EDIL3: variants seen among roughly 807,000 people sequenced by gnomAD.
EDIL3 encodes the protein EGF-like repeat and discoidin I-like domain-containing protein 3.
A neutral mutation model predicts 67.4 loss-of-function variants in EDIL3; 37 were observed. That is an observed-to-expected ratio of 0.55 (90% confidence interval 0.42 to 0.72). The LOEUF is 0.72. Ranked by LOEUF, EDIL3 falls within the 30% of genes least tolerant of loss-of-function variation. The pLI is 0.00. For synonymous variants in EDIL3, 195 were observed against 196.3 expected, an observed-to-expected ratio of 0.99 and a Z score of 0.05; for missense variants, 527 against 586.3, an observed-to-expected ratio of 0.90 and a Z score of 1.04.
At chr5:84,188,544 T>C (rs1743514798) in intron 3 of EDIL3, among the ~76,000 whole-genome samples, 2 of 152,046 alleles carry the variant, frequency 1.3e-5, no homozygotes, top group Admixed American at 1.3e-4. Flanking sequence ...AAAGGCCCTA[T>C]GATGGGCTAA....
intron 1 of EDIL3, among the ~76,000 whole-genome samples, chr5:84,377,687 T>C (rs991932474): frequency 6.6e-6 from 1 of 152,210 alleles, no homozygotes; most frequent in African/African-American, 2.4e-5. Flanking sequence ...ATCAAGCATA[T>C]ATCATCTAAC....
intron 10 of EDIL3, among the ~76,000 whole-genome samples, chr5:83,946,122 G>A (rs1227086472): frequency 6.6e-6 from 1 of 151,954 alleles, no homozygotes; most frequent in Non-Finnish European, 1.5e-5. Flanking sequence ...TCTAGAAAGT[G>A]CTTTCACAGG....
At chr5:84,197,657 C>CA (rs748976010) in intron 3 of EDIL3, among the ~76,000 whole-genome samples, 1,890 of 121,622 alleles carry the variant, frequency 0.016, 32 homozygotes, top group East Asian at 0.046. Context: ...AACTACATCT[C>CA]AAAAAAAAAA....
intron 4 of EDIL3, among the ~76,000 whole-genome samples, chr5:84,167,961 A>C (rs1265812552): frequency 2.0e-5 from 3 of 152,158 alleles, no homozygotes; most frequent in African/African-American, 7.2e-5. Context: ...GGAGAGAATA[A>C]TTCTCATTTG....
At chr5:84,345,351 C>T (rs1747216319) in intron 1 of EDIL3, among the ~76,000 whole-genome samples, 1 of 152,114 alleles carries the variant, frequency 6.6e-6, no homozygotes, top group Non-Finnish European at 1.5e-5. Flanking sequence ...TTTCAAACTA[C>T]TCATTACCCT....
At chr5:84,322,012 T>C (rs139732639) in intron 1 of EDIL3, among the ~76,000 whole-genome samples, 19 of 151,980 alleles carry the variant, frequency 1.3e-4, no homozygotes, top group African/African-American at 4.6e-4. Flanking sequence ...AGTTTACACT[T>C]TGAAGTAATT....
intron 1 of EDIL3, among the ~76,000 whole-genome samples, chr5:84,311,191 C>T (rs1746379623): frequency 6.6e-6 from 1 of 151,628 alleles, no homozygotes. Context: ...TTTTTAATTG[C>T]TTAGTTTTAG....
intron 9 of EDIL3, among the ~76,000 whole-genome samples, chr5:84,027,968 A>T (rs1745846301): frequency 6.6e-6 from 1 of 152,142 alleles, no homozygotes; most frequent in Non-Finnish European, 1.5e-5. Flanking sequence ...TGTGGACAAC[A>T]CTGAATTCAC....
intron 5 of EDIL3, among the ~76,000 whole-genome samples, chr5:84,118,018 T>G (rs1747702549): frequency 6.6e-6 from 1 of 152,270 alleles, no homozygotes; most frequent in East Asian, 1.9e-4. Context: ...ATTTTTTAAC[T>G]TAATAGTCTT....
intron 1 of EDIL3, among the ~76,000 whole-genome samples, chr5:84,284,339 G>A (rs769385574): frequency 6.6e-6 from 1 of 152,174 alleles, no homozygotes; most frequent in South Asian, 2.1e-4. Flanking sequence ...GCACTCATGA[G>A]TGGTGCAGCA....
chr5:84,349,056 C>T (rs1747299222), intron 1 of EDIL3, among the ~76,000 whole-genome samples: 1 of 152,022 alleles, frequency 6.6e-6, no homozygotes, highest in Non-Finnish European at 1.5e-5. Flanking sequence ...TATTATAGCC[C>T]CCTTTTCTCT....
intron 5 of EDIL3, among the ~76,000 whole-genome samples, chr5:84,125,861 GGT>G (rs1747861273): frequency 6.6e-6 from 1 of 151,630 alleles, no homozygotes; most frequent in South Asian, 2.1e-4. Context: ...AGACTGAAAA[GGT>G]TCGGTTGAAT....
chr5:84,226,925 G>GA (rs1215651989), intron 3 of EDIL3, among the ~76,000 whole-genome samples: 5 of 151,942 alleles, frequency 3.3e-5, no homozygotes, highest in Non-Finnish European at 7.4e-5. Context: ...GAGAAGTTAT[G>GA]AAAATAGATT....
intron 6 of EDIL3, among the ~76,000 whole-genome samples, chr5:84,102,605 TAAAACAAAAC>T (rs960119436): frequency 1.4e-5 from 2 of 146,934 alleles, no homozygotes; most frequent in African/African-American, 5.0e-5. Context: ...CTACAATTGC[TAAAACAAAAC>T]AAAACAAAAC....
chr5:84,060,800 A>G (rs1245121036), intron 8 of EDIL3, among the ~76,000 whole-genome samples: 1 of 152,174 alleles, frequency 6.6e-6, no homozygotes, highest in Admixed American at 6.6e-5. Flanking sequence ...CTCCTGTCTC[A>G]TTACTGGAGG....
chr5:84,276,644 C>T (rs1428344074), intron 1 of EDIL3, among the ~76,000 whole-genome samples: 1 of 152,086 alleles, frequency 6.6e-6, no homozygotes, highest in East Asian at 1.9e-4. Context: ...TCTTGGCTCA[C>T]TGCAACCTCT....
intron 9 of EDIL3, among the ~76,000 whole-genome samples, chr5:84,041,045 C>T (rs754998140): frequency 2.0e-5 from 3 of 151,868 alleles, no homozygotes; most frequent in South Asian, 2.1e-4. Context: ...GTAGGAGGAT[C>T]GCTTGAGTCC....
intron 6 of EDIL3, among the ~76,000 whole-genome samples, chr5:84,096,159 GC>G (rs1290276765): frequency 6.6e-6 from 1 of 152,142 alleles, no homozygotes; most frequent in Non-Finnish European, 1.5e-5. Context: ...GGGGGTAAGA[GC>G]CCCCACACAG....
chr5:84,332,542 G>T (rs1746894672), intron 1 of EDIL3, among the ~76,000 whole-genome samples: 1 of 152,326 alleles, frequency 6.6e-6, no homozygotes, highest in South Asian at 2.1e-4. Flanking sequence ...GAACTTAAAA[G>T]AATCTCCCTT....
Sources: gnomAD v4.1 joint callset for allele counts (sites outside exome capture counted in the v4.1 genomes callset) on GRCh38, gnomAD v4.1.1 for gene constraint, MANE v1.5 for transcripts, NCBI Gene and HGNC (gene_info 2026-07-23, HGNC 2026-07-21) for gene names.